TRPC5: variants seen among roughly 807,000 people sequenced by gnomAD.
TRPC5 encodes the protein short transient receptor potential channel 5.
A neutral mutation model predicts 56.5 loss-of-function variants in TRPC5; 9 were observed. The ratio of observed to expected loss-of-function variants is 0.16; its 90% confidence interval spans 0.10 to 0.28. The LOEUF is 0.28. Ranked by LOEUF, TRPC5 falls within the 10% of genes least tolerant of loss-of-function variation. The pLI is 1.00. For missense variants in TRPC5, 469 were observed against 748.9 expected, an observed-to-expected ratio of 0.63 and a Z score of 4.36; for synonymous variants, 282 against 278.5, an observed-to-expected ratio of 1.01 and a Z score of -0.13.
chrX:112,016,723 G>A lies in TRPC5; in HGVS notation c.-21-64282C>T, dbSNP rs113934680. Among the ~76,000 whole-genome samples the A allele has an allele frequency of 6.3e-3, 707 of 111,918 alleles. 5 individuals carry two copies. The highest frequency in any genetic ancestry group is 0.022 in the African/African-American group (663 of 30,804). On this transcript the variant is annotated intron_variant, in intron 1 of 10. Coordinates refer to ENST00000262839, the MANE Select transcript of TRPC5 (RefSeq NM_012471.3). ...TGTGCATGCACCCATGTGTGCATGT[G>A]TGTGTAGAGGGAGGTGAAGCACAAT...
chrX:111,877,726 G>T (rs776622137), intron 3 of TRPC5, among the ~76,000 whole-genome samples: 1 of 111,339 alleles, frequency 9.0e-6, no homozygotes, highest in African/African-American at 3.3e-5. Flanking sequence ...GGACATAAAT[G>T]AATGAATAAA....
intron 1 of TRPC5, among the ~76,000 whole-genome samples, chrX:111,963,839 A>G (rs1292114427): frequency 9.0e-6 from 1 of 111,690 alleles, no homozygotes; most frequent in African/African-American, 3.3e-5. Flanking sequence ...AACATCATCA[A>G]AGACCAAAAG....
chrX:111,807,950 C>G (rs866097073), intron 7 of TRPC5, among the ~76,000 whole-genome samples: 1 of 85,535 alleles, frequency 1.2e-5, no homozygotes, highest in African/African-American at 1.0e-4. Flanking sequence ...CTCTCTCTCT[C>G]TCTCTCTGTG....
chrX:111,811,732 G>A (rs913253055), intron 7 of TRPC5, among the ~76,000 whole-genome samples: 2 of 111,219 alleles, frequency 1.8e-5, no homozygotes, highest in Non-Finnish European at 3.8e-5. Context: ...TACCTACCAA[G>A]CAGAATGGTT....
chrX:111,950,271 G>GGATATGAGAATCA (rs1927051137), intron 2 of TRPC5, among the ~76,000 whole-genome samples: 1 of 109,921 alleles, frequency 9.1e-6, no homozygotes, highest in Non-Finnish European at 1.9e-5. Context: ...CTTGCAGTGA[G>GGATATGAGAATCA]CCGAGATCGC....
chrX:112,003,513 G>C (rs779895818), intron 1 of TRPC5, among the ~76,000 whole-genome samples: 1 of 110,701 alleles, frequency 9.0e-6, no homozygotes, highest in East Asian at 2.9e-4. Flanking sequence ...AGTTTGACTC[G>C]GGTGTTTCTT....
rs762965646 is a variant in TRPC5 at position 111,849,895 on chromosome X, AGTT to A, written c.1377+2400_1377+2402del. ...ATTCAGATCTCCTGACTCTTGAGTTAGTTGTTGTTGGAGGCAAATGATTTTTCT... is the reference window on the plus strand; with the variant it reads ...ATTCAGATCTCCTGACTCTTGAGTTAGTTGTTGGAGGCAAATGATTTTTCT... On this transcript the variant is annotated intron_variant, in intron 5 of 10. Coordinates refer to ENST00000262839, the MANE Select transcript of TRPC5 (RefSeq NM_012471.3). Among the ~76,000 whole-genome samples the A allele has an allele frequency of 1.2e-3, 140 of 112,170 alleles. 1 individual carries two copies. In the South Asian group the frequency reaches 0.014, roughly 11 times the overall value.
intron 3 of TRPC5, among the ~76,000 whole-genome samples, chrX:111,859,904 TTTTG>T (rs912749564): frequency 2.2e-4 from 25 of 112,789 alleles, no homozygotes; most frequent in South Asian, 7.3e-4. Context: ...CAACTAGTTT[TTTTG>T]TTTGTTTGTT....
chrX:112,045,618 G>T (rs189883093), intron 1 of TRPC5, among the ~76,000 whole-genome samples: 6 of 112,143 alleles, frequency 5.4e-5, no homozygotes, highest in African/African-American at 1.9e-4. Flanking sequence ...TGTAAAACAT[G>T]AATTATTATA....
chrX:111,804,050 G>A (rs1354134350), intron 7 of TRPC5, among the ~76,000 whole-genome samples: 1 of 112,089 alleles, frequency 8.9e-6, no homozygotes, highest in African/African-American at 3.2e-5. Flanking sequence ...AAGGGATCCA[G>A]TTTCAGCTTT....
intron 7 of TRPC5, among the ~76,000 whole-genome samples, chrX:111,802,825 A>G (rs1360504323): frequency 4.5e-5 from 5 of 111,642 alleles, no homozygotes; most frequent in Non-Finnish European, 9.4e-5. Flanking sequence ...GCAAGCCTGC[A>G]TGTTATATCT....
chrX:111,779,159 G>C (rs1247342368), intron 9 of TRPC5, 85 bp from the exon 10 acceptor site: 1 of 603,107 alleles, frequency 1.7e-6, no homozygotes, highest in Non-Finnish European at 2.5e-6. Context: ...AATAAAACAT[G>C]CTTAGACCTT....
intron 3 of TRPC5, among the ~76,000 whole-genome samples, chrX:111,862,007 T>C (rs911067429): frequency 3.6e-5 from 4 of 111,971 alleles, no homozygotes; most frequent in African/African-American, 1.3e-4. Context: ...TAACTGCTAA[T>C]GCTGGTTTAT....
intron 3 of TRPC5, chrX:111,901,736 TG>T: frequency 2.0e-6 from 1 of 503,536 alleles, no homozygotes; most frequent in African/African-American, 2.4e-5. Flanking sequence ...TCCTAATTTC[TG>T]GCCTAAACCA....
chrX:112,042,822 T>A (rs1231871745), intron 1 of TRPC5, among the ~76,000 whole-genome samples: 1 of 109,607 alleles, frequency 9.1e-6, no homozygotes, highest in Non-Finnish European at 1.9e-5. Flanking sequence ...TTTTTTTTTT[T>A]ACCAAATTTC....
chrX:111,911,030 G>A (rs942884351), intron 3 of TRPC5, among the ~76,000 whole-genome samples: 15 of 112,859 alleles, frequency 1.3e-4, no homozygotes, highest in African/African-American at 4.5e-4. Context: ...ACTTCCTCCA[G>A]TATAGCCCTT....
chrX:111,992,956 G>A (rs1928401079), intron 1 of TRPC5, among the ~76,000 whole-genome samples: 1 of 110,266 alleles, frequency 9.1e-6, no homozygotes. Context: ...CAACGTGCAG[G>A]TTTGATACAT....
chrX:112,053,843 C>T (rs895198641), intron 1 of TRPC5, among the ~76,000 whole-genome samples: 5 of 111,907 alleles, frequency 4.5e-5, no homozygotes, highest in African/African-American at 1.6e-4. Context: ...TCCAGCCTTC[C>T]CATATAGGAG....
chrX:111,846,085 T>C (rs773519432), intron 6 of TRPC5, among the ~76,000 whole-genome samples: 7 of 111,132 alleles, frequency 6.3e-5, no homozygotes, highest in Non-Finnish European at 1.1e-4. Context: ...TTTTTTTCTC[T>C]ATCACTGCAA....
Sources: gnomAD v4.1 joint callset for allele counts (sites outside exome capture counted in the v4.1 genomes callset) on GRCh38, gnomAD v4.1.1 for gene constraint, MANE v1.5 for transcripts, NCBI Gene and HGNC (gene_info 2026-07-23, HGNC 2026-07-21) for gene names.